Variants in NRCAM observed in about 807,000 individuals in gnomAD.
NRCAM encodes NgCAM-related cell adhesion molecule.
A neutral mutation model predicts 156.5 loss-of-function variants in NRCAM; 83 were observed. The observed-to-expected ratio is 0.53, with a 90% CI of 0.44 to 0.64. The LOEUF (loss-of-function observed/expected upper bound fraction) is 0.64, where lower values mean the gene tolerates loss of function less well. Among genes scored for constraint, NRCAM ranks in the 30% least tolerant of loss-of-function variants. The pLI is 0.00. For missense variants in NRCAM, 1,417 were observed against 1,597.3 expected (o/e 0.89, Z 1.92); for synonymous variants, 538 against 563.9 (o/e 0.95, Z 0.65).
intron 1 of NRCAM, among the ~76,000 whole-genome samples, chr7:108,436,547 A>G (rs1215465346): frequency 2.6e-5 from 4 of 152,234 alleles, no homozygotes; most frequent in Admixed American, 1.3e-4. Context: ...ATTTGCATTT[A>G]TTGAAGCAAG....
intron 28 of NRCAM, among the ~76,000 whole-genome samples, chr7:108,170,559 C>T (rs1285690275): frequency 6.6e-6 from 1 of 152,198 alleles, no homozygotes; most frequent in East Asian, 1.9e-4. Context: ...CTCCCTGCTT[C>T]GAGTTGTCCC....
At chr7:108,198,580 T>C (rs2076346605) in intron 13 of NRCAM, among the ~76,000 whole-genome samples, 1 of 152,180 alleles carries the variant, frequency 6.6e-6, no homozygotes, top group Non-Finnish European at 1.5e-5. Context: ...CAAGAGATTG[T>C]GGTTATTTAG....
chr7:108,256,645 A>G (rs1003077501), intron 3 of NRCAM, among the ~76,000 whole-genome samples: 1 of 152,132 alleles, frequency 6.6e-6, no homozygotes, highest in Non-Finnish European at 1.5e-5. Context: ...AACAACAACA[A>G]AAAAAACAAC....
chr7:108,238,927 AAATAAT>A (rs201893238), intron 4 of NRCAM, among the ~76,000 whole-genome samples: 5 of 151,604 alleles, frequency 3.3e-5, no homozygotes, highest in Non-Finnish European at 5.9e-5. Flanking sequence ...TGGTAATAAT[AAATAAT>A]AATAATAATA....
Position 108,149,286 on chromosome 7 carries a change from C to T in NRCAM, c.*624G>A, listed in dbSNP as rs964815072. 1 of 152,598 alleles carries T rather than the reference C, an allele frequency of 6.6e-6. No individual in the cohort carries two copies. The highest frequency in any genetic ancestry group is 2.4e-5 in the African/African-American group (1 of 41,446). The allele number at this position is 152,598 out of a possible 1,614,324, so 9.5% of individuals were successfully genotyped here. A position where few individuals can be genotyped will look rare whatever the true frequency, so the allele number is the denominator to read the frequency against. ...GAAGATTAAGAAGCCTACGGAGTAA[C>T]AGGAGCCAAGAGTAGGTAATAGTTC... On this transcript the variant is annotated 3_prime_UTR_variant, in exon 33 of 33. Coordinates refer to ENST00000379028, the MANE Select transcript of NRCAM (RefSeq NM_001037132.4).
At chr7:108,260,055 G>T (rs145549891) in intron 3 of NRCAM, among the ~76,000 whole-genome samples, 1 of 123,918 alleles carries the variant, frequency 8.1e-6, no homozygotes, top group Admixed American at 8.9e-5. Flanking sequence ...TTGTCTGGAG[G>T]CTCAGACAAT....
chr7:108,301,319 G>C (rs1377625085), intron 3 of NRCAM, among the ~76,000 whole-genome samples: 2 of 152,186 alleles, frequency 1.3e-5, no homozygotes, highest in Non-Finnish European at 2.9e-5. Context: ...GCAAAATGTG[G>C]AAATGTTCTT....
intron 2 of NRCAM, among the ~76,000 whole-genome samples, chr7:108,387,985 T>A (rs2099746764): frequency 6.6e-6 from 1 of 152,152 alleles, no homozygotes; most frequent in Admixed American, 6.5e-5. Context: ...TGGTTCCAAG[T>A]CTTTGCTATT....
At chr7:108,281,307 T>C (rs919471927) in intron 3 of NRCAM, among the ~76,000 whole-genome samples, 9 of 152,178 alleles carry the variant, frequency 5.9e-5, no homozygotes, top group African/African-American at 2.2e-4. Flanking sequence ...TATTTTAATA[T>C]ATTCTTTTTT....
chr7:108,420,769 G>C (rs1236734494), intron 1 of NRCAM, among the ~76,000 whole-genome samples: 1 of 152,190 alleles, frequency 6.6e-6, no homozygotes, highest in Non-Finnish European at 1.5e-5. Flanking sequence ...ATTAATGCGT[G>C]CATAACCTAG....
intron 2 of NRCAM, among the ~76,000 whole-genome samples, chr7:108,396,692 A>C (rs1563618634): frequency 6.6e-6 from 1 of 152,234 alleles, no homozygotes. Context: ...ATCACCTGTA[A>C]ATATGACTAA....
At chr7:108,197,161 T>C (rs1257084866) in intron 14 of NRCAM, among the ~76,000 whole-genome samples, 1 of 152,140 alleles carries the variant, frequency 6.6e-6, no homozygotes, top group African/African-American at 2.4e-5. Flanking sequence ...AATCTAAAAA[T>C]GCTGAACTCA....
At chr7:108,276,658 C>T (rs1039247011) in intron 3 of NRCAM, among the ~76,000 whole-genome samples, 1 of 152,012 alleles carries the variant, frequency 6.6e-6, no homozygotes, top group Non-Finnish European at 1.5e-5. Flanking sequence ...CTCCTGAATA[C>T]AGCACAATGA....
At chr7:108,446,184 C>A (rs185623046) in intron 1 of NRCAM, among the ~76,000 whole-genome samples, 3 of 152,186 alleles carry the variant, frequency 2.0e-5, no homozygotes, top group African/African-American at 7.2e-5. Context: ...ACAAGGATGT[C>A]ATTTAGACCT....
At chr7:108,396,180 A>G (rs1178804361) in intron 2 of NRCAM, among the ~76,000 whole-genome samples, 1 of 152,198 alleles carries the variant, frequency 6.6e-6, no homozygotes. Context: ...TCATAGAGAC[A>G]GAGAGAAAAT....
At chr7:108,403,144 CT>C (rs2099797796) in intron 1 of NRCAM, among the ~76,000 whole-genome samples, 1 of 152,184 alleles carries the variant, frequency 6.6e-6, no homozygotes, top group Non-Finnish European at 1.5e-5. Flanking sequence ...TACTGCCATT[CT>C]TACAGCTACA....
intron 3 of NRCAM, among the ~76,000 whole-genome samples, chr7:108,280,929 G>T (rs1253199554): frequency 6.6e-6 from 1 of 152,062 alleles, no homozygotes; most frequent in Non-Finnish European, 1.5e-5. Flanking sequence ...AAGTCAGGAA[G>T]GTATTCAATA....
chr7:108,189,722 A>T lies in NRCAM; in HGVS notation c.1958T>A (p.Leu653Ter). Residue 653 changes from leucine (L) to a stop codon, truncating the protein, a stop_gained, in exon 20 of 33, where the codon TTA (leucine) becomes TAA (stop). Transcript: ENST00000379028. LOFTEE classifies it high-confidence loss of function. ...VYDVPNPPFD[L>*]ELTDQLDKSV... ...TTTGTCAAGTTGATCTGTCAGTTCT[A>T]AGTCAAAGGGAGGATTTGGGACATC... 6.5e-7 allele frequency: 1 copy of T among 1,530,664 alleles called. No homozygotes were observed. The highest frequency in any genetic ancestry group is 9.0e-7 in the Non-Finnish European group (1 of 1,106,482). The allele number at this position is 1,530,664 out of a possible 1,614,324, so 94.8% of individuals were successfully genotyped here. A position where few individuals can be genotyped will look rare whatever the true frequency, so the allele number is the denominator to read the frequency against.
chr7:108,260,581 A>C (rs1053827655), intron 3 of NRCAM, among the ~76,000 whole-genome samples: 3 of 152,098 alleles, frequency 2.0e-5, no homozygotes, highest in African/African-American at 7.2e-5. Context: ...AGGGAGAAGA[A>C]CTTACTCCCG....
Sources: gnomAD v4.1 joint callset for allele counts (sites outside exome capture counted in the v4.1 genomes callset) on GRCh38, gnomAD v4.1.1 for gene constraint, MANE v1.5 for transcripts, NCBI Gene and HGNC (gene_info 2026-07-23, HGNC 2026-07-21) for gene names.